Variants in MICAL2 observed in about 807,000 individuals in gnomAD.
The protein encoded by MICAL2 is [F-actin]-monooxygenase MICAL2.
In MICAL2, 77 loss-of-function variants were observed where a neutral mutation model predicts 127.3. That is an observed-to-expected ratio of 0.60 (90% CI 0.50 to 0.73). MICAL2 has a LOEUF of 0.73. Among genes scored for constraint, MICAL2 ranks in the 30% least tolerant of loss-of-function variants. The probability of loss-of-function intolerance (pLI) is 0.00; values close to 1 mark genes in which losing one functional copy is unlikely to be tolerated. For missense variants in MICAL2, 1,351 were observed against 1,434.4 expected, an observed-to-expected ratio of 0.94 and a Z score of 0.94; for synonymous variants, 570 against 551.1, an observed-to-expected ratio of 1.03 and a Z score of -0.48.
At chr11:12,146,054 A>G (rs188433660) in intron 2 of MICAL2, among the ~76,000 whole-genome samples, 6 of 152,368 alleles carry the variant, frequency 3.9e-5, no homozygotes, top group Admixed American at 2.6e-4. Context: ...CACCTTATAC[A>G]AAAATTAATT....
chr11:12,242,068 G>A (rs1424559225), intron 18 of MICAL2, 146 bp from the exon 19 acceptor site: 1 of 639,976 alleles, frequency 1.6e-6, no homozygotes, highest in Non-Finnish European at 2.6e-6. Flanking sequence ...GTGGTGGAGA[G>A]TCAACACCTG....
intron 32 of MICAL2, among the ~76,000 whole-genome samples, chr11:12,346,915 C>A (rs1335493723): frequency 6.6e-6 from 1 of 152,134 alleles, no homozygotes; most frequent in African/African-American, 2.4e-5. Context: ...TCACTTTAGT[C>A]CTTTACACAC....
In MICAL2 at chr11:12,226,069, G is replaced by A. The variant is rs1441332699; in HGVS notation, c.1689-102G>A. On this transcript the variant is annotated intron_variant, in intron 13 of 27. Transcript: ENST00000683283. ...CTCCCCTGTAACCTGCCGACACCTG[G>A]CAGAGTGTCACCCTCAGTGCTCCTT... The A allele has an allele frequency of 1.6e-5, 18 of 1,125,326 alleles. No homozygotes were observed. In the East Asian group the frequency reaches 3.5e-4, roughly 22 times the overall value. The allele number at this position is 1,125,326 out of a possible 1,614,324, so 69.7% of individuals were successfully genotyped here. A position where few individuals can be genotyped will look rare whatever the true frequency, so the allele number is the denominator to read the frequency against.
In MICAL2 at chr11:12,156,491, C is replaced by T. The variant is rs149324787; in HGVS notation, c.-77-5588C>T. On this transcript the variant is annotated intron_variant, in intron 2 of 27. Coordinates refer to ENST00000683283, the MANE Select transcript of MICAL2 (RefSeq NM_001282663.2). ...GCAGGCAGCCCCAGGAGGCAGTACA[C>T]GCTCCTCTGTTTGTGGAAGTGACCG... 3.5e-4 allele frequency among the ~76,000 whole-genome samples: 54 copies of T among 152,284 alleles called. 4 individuals are homozygous for T. The highest frequency in any genetic ancestry group is 1.3e-3 in the African/African-American group (52 of 41,578).
chr11:12,227,899 G>A (rs7948302), intron 15 of MICAL2, among the ~76,000 whole-genome samples: 34 of 152,348 alleles, frequency 2.2e-4, no homozygotes, highest in African/African-American at 6.3e-4. Flanking sequence ...TGGCACCTCT[G>A]TGAGTTCACA....
At chr11:12,288,661 G>T (rs1056221970), downstream of MICAL2, among the ~76,000 whole-genome samples, 1 of 152,236 alleles carries the variant, frequency 6.6e-6, no homozygotes, top group African/African-American at 2.4e-5. Flanking sequence ...CCCGGAGGAG[G>T]AACCCAATCC....
Position 12,216,258 on chromosome 11 carries a change from C to G in MICAL2, c.887C>G (p.Thr296Ser), listed in dbSNP as rs754764917. Residue 296 changes from threonine (T) to serine (S), a missense_variant, in exon 8 of 28, where the codon ACC becomes AGC. By Grantham distance (58) the Thr-to-Ser change is moderately conservative. Coordinates refer to ENST00000683283, the MANE Select transcript of MICAL2 (RefSeq NM_001282663.2). ...LENIVYYKDCTHYFVMTAKKQ... is the reference protein window; with the variant it reads ...LENIVYYKDCSHYFVMTAKKQ... ...AACATTGTTTACTACAAGGACTGCA[C>G]CCACTATTTTGTAATGACAGCCAAG... 4.3e-6 allele frequency: 7 copies of G among 1,613,862 alleles called. No individual in the cohort carries two copies. The highest frequency in any genetic ancestry group is 5.1e-6 in the Non-Finnish European group (6 of 1,179,838).
intron 32 of MICAL2, chr11:12,327,296 G>A: frequency 1.3e-6 from 2 of 1,531,646 alleles, no homozygotes; most frequent in South Asian, 2.4e-5. Flanking sequence ...CCGGAGCAGT[G>A]GGCATGGTCT....
At chr11:12,245,163 T>C (rs1860557393) in intron 21 of MICAL2, among the ~76,000 whole-genome samples, 2 of 152,144 alleles carry the variant, frequency 1.3e-5, no homozygotes, top group Non-Finnish European at 1.5e-5. Context: ...AATCTAGAAA[T>C]GGGCGTGAAG....
At chr11:12,174,964 A>T (rs1856676372) in intron 3 of MICAL2, among the ~76,000 whole-genome samples, 2 of 151,910 alleles carry the variant, frequency 1.3e-5, no homozygotes, top group African/African-American at 4.8e-5. Context: ...CTACAAAAAA[A>T]TACAAAAAAG....
chr11:12,323,909 TAACGA>T (rs1186494005), intron 30 of MICAL2: 3 of 1,520,802 alleles, frequency 2.0e-6, no homozygotes, highest in Non-Finnish European at 2.7e-6. Context: ...TAGAAGCCTA[TAACGA>T]TATTTTGTAA....
At chr11:12,235,447 G>T (rs1440945619) in intron 15 of MICAL2, among the ~76,000 whole-genome samples, 3 of 152,138 alleles carry the variant, frequency 2.0e-5, no homozygotes, top group Non-Finnish European at 2.9e-5. Context: ...GGAGACTTCT[G>T]AGAGTGAAGG....
At chr11:12,262,396 A>ATGT in intron 26 of MICAL2, 84 bp from the exon 27 acceptor site, 1 of 1,598,298 alleles carries the variant, frequency 6.3e-7, no homozygotes, top group East Asian at 2.2e-5. Flanking sequence ...CCTTCTCGTG[A>ATGT]TGTTAATCAT....
chr11:12,223,483 G>A lies in MICAL2; in HGVS notation c.1522G>A (p.Val508Ile). 1 of 1,614,020 alleles carries A rather than the reference G, an allele frequency of 6.2e-7. No homozygotes were observed. The highest frequency in any genetic ancestry group is 1.1e-5 in the South Asian group (1 of 91,072). ...GAGACTGGGCTCGGTGAGGAGATCT[G>A]TCAACCTCTCCAGGAAGGGTAAGCG... ...LERLGSVRRSVNLSRKESDIR... is the reference protein window; with the variant it reads ...LERLGSVRRSINLSRKESDIR... Residue 508 changes from valine (V) to isoleucine (I), a missense_variant, in exon 12 of 28, where the codon GTC becomes ATC. Physicochemically the swap from Val to Ile is conservative, Grantham distance 29. Transcript: ENST00000683283.
chr11:12,270,809 T>A (rs1223883939), intron 24 of MICAL2, among the ~76,000 whole-genome samples: 1 of 152,230 alleles, frequency 6.6e-6, no homozygotes, highest in Non-Finnish European at 1.5e-5. Flanking sequence ...TGGTTTCCTT[T>A]CCTGCAAAGT....
chr11:12,336,664 G>C (rs12223705), intron 32 of MICAL2, among the ~76,000 whole-genome samples: 168 of 151,680 alleles, frequency 1.1e-3, no homozygotes, highest in African/African-American at 3.5e-3. Context: ...TAGCATGAAG[G>C]GTTGTTGAAT....
At chr11:12,255,340 A>C in intron 22 of MICAL2, 1 of 372,632 alleles carries the variant, frequency 2.7e-6, no homozygotes, top group Non-Finnish European at 5.1e-6. Context: ...TGTACCCACT[A>C]AACAACAGCA....
At chr11:12,137,227 C>T (rs1851914524) in intron 1 of MICAL2, among the ~76,000 whole-genome samples, 1 of 152,242 alleles carries the variant, frequency 6.6e-6, no homozygotes, top group Non-Finnish European at 1.5e-5. Context: ...AGGGCTGCCG[C>T]TTCTGCCCAG....
intron 15 of MICAL2, among the ~76,000 whole-genome samples, chr11:12,233,921 T>G (rs2134399422): frequency 6.6e-6 from 1 of 152,358 alleles, no homozygotes; most frequent in East Asian, 1.9e-4. Context: ...TTAACCTTTT[T>G]GTCTTAGCCT....
Sources: allele counts gnomAD v4.1 joint callset (sites outside exome capture counted in the v4.1 genomes callset), GRCh38; gene constraint gnomAD v4.1.1; transcripts MANE v1.5; gene names NCBI Gene and HGNC (gene_info 2026-07-23, HGNC 2026-07-21).